OASL: variants seen among roughly 807,000 people sequenced by gnomAD.
The protein encoded by OASL is 2'-5'-oligoadenylate synthetase like.
A neutral mutation model predicts 35.3 loss-of-function variants in OASL; 28 were observed. The observed-to-expected ratio is 0.79, with a 90% CI of 0.59 to 1.09. The LOEUF is 1.09. Ranked by LOEUF, OASL falls within the 50% of genes least tolerant of loss-of-function variation. OASL has a pLI of 0.00. For synonymous variants in OASL, 252 were observed against 254.6 expected, an observed-to-expected ratio of 0.99 and a Z score of 0.10; for missense variants, 620 against 635.2, an observed-to-expected ratio of 0.98 and a Z score of 0.26.
chr12:121,023,287 CTTTTTTTCTTTTTT>C (rs1869323011), intron 5 of OASL, among the ~76,000 whole-genome samples: 1 of 123,264 alleles, frequency 8.1e-6, no homozygotes, highest in Non-Finnish European at 1.7e-5. Context: ...TTTTTTTTTT[CTTTTTTTCTTTTTT>C]TTTTGAGGCA....
chr12:121,031,140 C>T (rs1274732204), intron 3 of OASL, among the ~76,000 whole-genome samples: 2 of 151,748 alleles, frequency 1.3e-5, no homozygotes, highest in African/African-American at 2.4e-5. Flanking sequence ...GGCAACAAAG[C>T]AAGATCCTGT....
intron 5 of OASL, among the ~76,000 whole-genome samples, chr12:121,022,914 T>C (rs529626551): frequency 6.6e-6 from 1 of 152,300 alleles, no homozygotes; most frequent in African/African-American, 2.4e-5. Flanking sequence ...TTAACCTCTC[T>C]GAGCCTCAGT....
At chr12:121,031,346 C>T in intron 3 of OASL, 96 bp downstream of exon 3, 2 of 1,243,610 alleles carry the variant, frequency 1.6e-6, no homozygotes, top group Admixed American at 1.9e-5. Flanking sequence ...CTTCCATTTC[C>T]CCTGGCTGCA....
chr12:121,027,734 A>T, exon 4 of OASL: 2 of 1,614,102 alleles, frequency 1.2e-6, no homozygotes, highest in Non-Finnish European at 1.7e-6. Flanking sequence ...CTTCTTCAGT[A>T]CCCATTTCCC....
At chr12:121,024,253 C>T (rs1294002118) in intron 4 of OASL, 116 bp from the exon 5 acceptor site, 2 of 1,141,738 alleles carry the variant, frequency 1.8e-6, no homozygotes, top group Non-Finnish European at 2.5e-6. Context: ...TATCCACATC[C>T]CGGGGATGTT....
chr12:121,024,221 G>T, intron 4 of OASL, 84 bp from the exon 5 acceptor site: 2 of 1,458,518 alleles, frequency 1.4e-6, no homozygotes, highest in Non-Finnish European at 9.3e-7. Context: ...CAATTATTTC[G>T]TCCAGCCACT....
intron 1 of OASL, among the ~76,000 whole-genome samples, chr12:121,035,795 G>A (rs1422267712): frequency 2.6e-5 from 4 of 152,148 alleles, no homozygotes; most frequent in African/African-American, 4.8e-5. Flanking sequence ...CACCCCCTGG[G>A]AGAGGGTTGG....
rs536071901 is a variant in OASL, at chr12:121,029,677, G to T, written c.657+1765C>A. ...CATTCCAGCCTGGGCGACAGAGCAA[G>T]ACTCTGTCTCAAAAAAAAAAAAATT... On this transcript the variant is annotated intron_variant, in intron 3 of 5. Transcript: ENST00000257570. Among the ~76,000 whole-genome samples, 123 of 151,388 alleles carry T rather than the reference G, an allele frequency of 8.1e-4. 1 individual carries two copies. The highest frequency in any genetic ancestry group is 2.7e-3 in the African/African-American group (113 of 41,252).
exon 4 of OASL, chr12:121,027,628 G>A: frequency 6.2e-7 from 1 of 1,613,686 alleles, no homozygotes; most frequent in Non-Finnish European, 8.5e-7. Flanking sequence ...GCATTGTGGA[G>A]TGTGTAGTAC....
chr12:121,035,583 G>A (rs1365084187), intron 1 of OASL, among the ~76,000 whole-genome samples: 3 of 151,980 alleles, frequency 2.0e-5, no homozygotes, highest in Non-Finnish European at 4.4e-5. Context: ...TGGGTACTAG[G>A]AGAATTATCT....
chr12:121,033,566 G>A (rs1222735574), exon 2 of OASL: 3 of 1,614,144 alleles, frequency 1.9e-6, no homozygotes, highest in Non-Finnish European at 2.5e-6. Flanking sequence ...TCCATCCTCA[G>A]GTCCTCGAGC....
intron 5 of OASL, among the ~76,000 whole-genome samples, chr12:121,021,668 G>A (rs540182019): frequency 4.6e-5 from 7 of 152,230 alleles, no homozygotes; most frequent in East Asian, 1.9e-4. Flanking sequence ...AAAATTAGCC[G>A]GGTGTGGTGG....
At chr12:121,037,513 C>T (rs923116391) in intron 1 of OASL, among the ~76,000 whole-genome samples, 1 of 152,116 alleles carries the variant, frequency 6.6e-6, no homozygotes, top group Non-Finnish European at 1.5e-5. Flanking sequence ...TGCAGTGGCT[C>T]ACTGTAATCC....
At position 121,024,158 on chromosome 12, in the gene OASL, G is replaced by T. The variant is rs558822320; in HGVS notation, c.900-21C>A. ...TGGGCCTGTAACACAGGAAAAGGGT[G>T]CCCAGGCTCATAATGGTTTGAAGGC... is the stretch of plus-strand genomic sequence containing the variant. On this transcript the variant is annotated intron_variant, in intron 4 of 5. Transcript: ENST00000257570. 10 of 1,610,444 alleles carry T rather than the reference G, an allele frequency of 6.2e-6. No individual in the cohort carries two copies. The East Asian group carries it at 1.8e-4, about 29-fold the overall frequency.
rs767105495 is a variant in OASL at position 121,020,795 on chromosome 12, G to C, written c.1311C>G (p.Phe437Leu). 14 of 1,614,144 alleles carry C rather than the reference G, an allele frequency of 8.7e-6. No individual in the cohort carries two copies. The highest frequency in any genetic ancestry group is 1.1e-5 in the Non-Finnish European group (13 of 1,180,038). Residue 437 changes from phenylalanine to leucine, a missense_variant, in exon 6 of 6, where the codon TTC (phenylalanine) becomes TTG (leucine). Coordinates refer to ENST00000257570, the Ensembl canonical transcript of OASL. The stretch of plus-strand genomic sequence containing the variant: ...AGCTCCCACCATCAGGATTCTTCAC[G>C]AAGACCTGGATCTCGGAGGGGATGG...
At chr12:121,025,316 C>T (rs781505931) in intron 4 of OASL, among the ~76,000 whole-genome samples, 1 of 152,150 alleles carries the variant, frequency 6.6e-6, no homozygotes. Context: ...GATGGGGGCT[C>T]TTACCCATCT....
intron 1 of OASL, 71 bp from the exon 2 acceptor site, chr12:121,033,814 A>G (rs1287587924): frequency 6.6e-7 from 1 of 1,514,340 alleles, no homozygotes; most frequent in African/African-American, 1.4e-5. Context: ...GGCACTTCAC[A>G]TGCACTGTCT....
chr12:121,037,389 G>A (rs1869995087), intron 1 of OASL, among the ~76,000 whole-genome samples: 1 of 152,058 alleles, frequency 6.6e-6, no homozygotes, highest in African/African-American at 2.4e-5. Flanking sequence ...AAATCTCAGT[G>A]AGGGGGGCTT....
chr12:121,022,633 G>C (rs540257675), intron 5 of OASL, among the ~76,000 whole-genome samples: 19 of 152,300 alleles, frequency 1.2e-4, no homozygotes, highest in Middle Eastern at 6.8e-3. Context: ...TACCTTACTG[G>C]AGCCTCTGAT....
Sources: gnomAD v4.1 joint callset for allele counts (sites outside exome capture counted in the v4.1 genomes callset) on GRCh38, gnomAD v4.1.1 for gene constraint, MANE v1.5 for transcripts, NCBI Gene and HGNC (gene_info 2026-07-23, HGNC 2026-07-21) for gene names.